Variants in DUSP16 observed in about 807,000 individuals in gnomAD.
DUSP16 encodes dual specificity protein phosphatase 16.
A neutral mutation model predicts 58.3 loss-of-function variants in DUSP16; 21 were observed. That is an observed-to-expected ratio of 0.36 (90% CI 0.26 to 0.52). The LOEUF (loss-of-function observed/expected upper bound fraction) is 0.52. DUSP16 is among the 20% of genes least tolerant of loss of function. The pLI is 0.94. For missense variants in DUSP16, 726 were observed against 819.0 expected (o/e 0.89, Z 1.39); for synonymous variants, 320 against 323.8 (o/e 0.99, Z 0.12).
intron 4 of DUSP16, among the ~76,000 whole-genome samples, chr12:12,495,958 T>C (rs1032127595): frequency 1.3e-5 from 2 of 152,216 alleles, no homozygotes; most frequent in African/African-American, 4.8e-5. Flanking sequence ...GCCATTTCAT[T>C]TGAATGTTAC....
intron 5 of DUSP16, 147 bp from the exon 6 acceptor site, chr12:12,480,493 C>T (rs1260663418): frequency 5.3e-6 from 5 of 944,552 alleles, no homozygotes; most frequent in African/African-American, 3.4e-5. Flanking sequence ...TCGCAATATT[C>T]TTTTGAGGAG....
At chr12:12,556,945 C>G (rs1014300507) in intron 1 of DUSP16, among the ~76,000 whole-genome samples, 2 of 152,090 alleles carry the variant, frequency 1.3e-5, no homozygotes, top group Non-Finnish European at 2.9e-5. Context: ...TTTGTATGTT[C>G]CCATACAAAA....
At chr12:12,561,933 C>T (rs1318118672) in intron 1 of DUSP16, among the ~76,000 whole-genome samples, 184 bp downstream of exon 1, 1 of 150,458 alleles carries the variant, frequency 6.6e-6, no homozygotes, top group Non-Finnish European at 1.5e-5. Context: ...CGGTCGCCCC[C>T]ACGCCGCCTC....
chr12:12,536,332 A>G (rs1280851407), intron 1 of DUSP16, among the ~76,000 whole-genome samples: 1 of 152,242 alleles, frequency 6.6e-6, no homozygotes, highest in Non-Finnish European at 1.5e-5. Context: ...AAATATCTCA[A>G]TGTCTTATTC....
chr12:12,538,794 T>C (rs11054961), intron 1 of DUSP16, among the ~76,000 whole-genome samples: 17,007 of 152,188 alleles, frequency 0.11, 1,735 homozygotes, highest in East Asian at 0.38. Context: ...GCTTGTCAAC[T>C]TCCTGGGTCA....
intron 4 of DUSP16, among the ~76,000 whole-genome samples, chr12:12,498,392 ATTT>A (rs1364978373): frequency 1.4e-5 from 2 of 143,072 alleles, no homozygotes; most frequent in Non-Finnish European, 3.1e-5. Flanking sequence ...TCTTTATTTT[ATTT>A]TTTATTATTT....
Position 12,477,045 on chromosome 12 carries a change from AAT to A in DUSP16, c.1784_1785del (p.Tyr595PhefsTer10). On this transcript the variant is annotated frameshift_variant, in exon 7 of 7. Transcript: ENST00000298573. LOFTEE classifies it high-confidence loss of function. The surrounding 1 kb of genome is among the most constrained non-coding windows in gnomAD (Gnocchi z 4.1). ...CTTGGCTTCTGCCGCCTGCGCACAG[AAT>A]AGACTTGGTCTCCGCAAGTGGGCAG... ...SQLPTCGDQV[Y>X]SVRRRQKPSD... 1 of 1,614,230 alleles carries A rather than the reference AAT, an allele frequency of 6.2e-7. No individual in the cohort carries two copies.
chr12:12,537,607 C>T (rs964295396), intron 1 of DUSP16, among the ~76,000 whole-genome samples: 4 of 152,248 alleles, frequency 2.6e-5, no homozygotes, highest in Non-Finnish European at 5.9e-5. Flanking sequence ...TATCTAATTT[C>T]ACCATCTCAT....
At chr12:12,517,890 G>A (rs1944177859) in intron 3 of DUSP16, among the ~76,000 whole-genome samples, 1 of 152,208 alleles carries the variant, frequency 6.6e-6, no homozygotes, top group South Asian at 2.1e-4. Context: ...TTCTGACTCA[G>A]TGTGTCACAC....
chr12:12,550,698 T>TG (rs374274297), intron 1 of DUSP16, among the ~76,000 whole-genome samples: 40 of 151,886 alleles, frequency 2.6e-4, no homozygotes, highest in African/African-American at 8.7e-4. Context: ...CATCACACGC[T>TG]GGGGTCTGTT....
intron 1 of DUSP16, among the ~76,000 whole-genome samples, chr12:12,559,575 A>C (rs1944864058): frequency 6.6e-6 from 1 of 152,206 alleles, no homozygotes. Flanking sequence ...ATTTTTGTCT[A>C]GGAAAACTTG....
chr12:12,479,672 C>A (rs1943524874), intron 6 of DUSP16, among the ~76,000 whole-genome samples: 1 of 152,168 alleles, frequency 6.6e-6, no homozygotes, highest in Admixed American at 6.5e-5. Flanking sequence ...ACGATACATG[C>A]AGGGGAGTCA....
rs1944924056 is a variant in DUSP16 at position 12,562,570 on chromosome 12, G to GCC, written c.-820_-819insGG. The stretch of plus-strand genomic sequence containing the variant: ...GAAAGAGGGGGAAAGGCGGGGGGGT[G>GCC]GGGTGGGGGGTTGGGGGAAAGAGAA... On this transcript the variant is annotated 5_prime_UTR_variant, in exon 1 of 7. Coordinates refer to ENST00000298573, the MANE Select transcript of DUSP16 (RefSeq NM_030640.3). Among the ~76,000 whole-genome samples, 2 of 144,510 alleles carry GCC rather than the reference G, an allele frequency of 1.4e-5. No individual in the cohort carries two copies. Among genetic ancestry groups the GCC allele is most frequent in the South Asian group, 4.5e-4 (2 of 4,452 alleles). The allele number at this position is 144,510 out of a possible 152,430, so 94.8% of individuals were successfully genotyped here.
chr12:12,483,101 G>A (rs1217022027), intron 5 of DUSP16, among the ~76,000 whole-genome samples: 3 of 152,158 alleles, frequency 2.0e-5, no homozygotes, highest in Non-Finnish European at 4.4e-5. Context: ...CTGGAAACAA[G>A]CAGGTGGCCA....
chr12:12,508,756 A>G (rs1944033152), intron 3 of DUSP16, among the ~76,000 whole-genome samples: 1 of 152,226 alleles, frequency 6.6e-6, no homozygotes, highest in Non-Finnish European at 1.5e-5. Flanking sequence ...CACGTGACAC[A>G]GTTGGGAAAT....
chr12:12,477,280 G>T lies in DUSP16; in HGVS notation c.1551C>A (p.Phe517Leu), dbSNP rs757274264. The change falls in exon 7 of 7, where the codon TTC becomes TTA. Residue 517 changes from phenylalanine (F) to leucine (L), a missense_variant. Transcript: ENST00000298573. This position sits in a 1 kb window ranked among gnomAD's most constrained non-coding sequence, Gnocchi z 4.1. Reference protein sequence around the residue: ...GSVEDNYHTSFLFGLSTSQQH... With the variant: ...GSVEDNYHTSLLFGLSTSQQH... Reference sequence around the variant, plus strand: ...GCTGGCTGGTGGAAAGGCCGAAAAGGAAGCTGGTGTGGTAATTGTCCTCCA... The same window carrying T: ...GCTGGCTGGTGGAAAGGCCGAAAAGTAAGCTGGTGTGGTAATTGTCCTCCA... The T allele has an allele frequency of 6.2e-7, 1 of 1,614,252 alleles. No individual in the cohort carries two copies. Among genetic ancestry groups the T allele is most frequent in the Non-Finnish European group, 8.5e-7 (1 of 1,180,046 alleles).
intron 1 of DUSP16, among the ~76,000 whole-genome samples, chr12:12,527,518 T>G (rs1218323435): frequency 6.6e-6 from 1 of 152,080 alleles, no homozygotes; most frequent in Non-Finnish European, 1.5e-5. Context: ...AAGAACTTGG[T>G]GCGGCAAACC....
chr12:12,498,413 T>A (rs906140569), intron 4 of DUSP16, among the ~76,000 whole-genome samples: 1 of 151,210 alleles, frequency 6.6e-6, no homozygotes, highest in Admixed American at 6.6e-5. Context: ...TTTATTTATT[T>A]ATTTATTTAT....
intron 4 of DUSP16, among the ~76,000 whole-genome samples, chr12:12,490,392 G>A (rs899663292): frequency 6.6e-6 from 1 of 151,184 alleles, no homozygotes. Context: ...AGTACAATTT[G>A]TAAAAACAAA....
Sources: gnomAD v4.1 joint callset for allele counts (sites outside exome capture counted in the v4.1 genomes callset) on GRCh38, gnomAD v4.1.1 for gene constraint, Gnocchi (gnomAD v3.1) non-coding constraint, MANE v1.5 for transcripts, NCBI Gene and HGNC (gene_info 2026-07-23, HGNC 2026-07-21) for gene names.